The following OR4K1 variants were observed in gnomAD, a reference collection of about 807,000 sequenced individuals.
OR4K1 encodes olfactory receptor family 4 subfamily K member 1, also known as olfactory receptor 4K1.
Under a neutral mutation model 14.4 loss-of-function variants are expected in OR4K1, and 16 were observed. The ratio of observed to expected loss-of-function variants is 1.11; its 90% CI spans 0.75 to 1.68. The LOEUF (loss-of-function observed/expected upper bound fraction) is 1.68. Among genes scored for constraint, OR4K1 ranks in the 40% most tolerant of loss-of-function variants. OR4K1 has a pLI of 0.00. For synonymous variants in OR4K1, 181 were observed against 133.1 expected, an observed-to-expected ratio of 1.36 and a Z score of -2.48; for missense variants, 548 against 376.9, an observed-to-expected ratio of 1.45 and a Z score of -3.76.
chr14:19,921,031 C>G, the OR4K1 span: 1 of 1,614,180 alleles, frequency 6.2e-7, no homozygotes, highest in Non-Finnish European at 8.5e-7. Context: ...AGGACATGCA[C>G]TGTCTTGGTA....
At chr14:19,935,529 T>G (rs771033320) in intron 1 of OR4K1, 119 bp from the exon 2 acceptor site, 24 of 807,106 alleles carry the variant, frequency 3.0e-5, no homozygotes, top group Non-Finnish European at 4.5e-5. Flanking sequence ...CGTAAATATA[T>G]GTAACCTAAT....
At chr14:19,925,258 ATTATATTACTAT>A in the OR4K1 span, among the ~76,000 whole-genome samples, 4 of 152,206 alleles carry the variant, frequency 2.6e-5, no homozygotes, top group Admixed American at 2.6e-4. Flanking sequence ...TTGAACATTG[ATTATATTACTAT>A]TTTTGACATT....
At chr14:19,934,287 CA>C in intron 1 of OR4K1, among the ~76,000 whole-genome samples, 1 of 152,272 alleles carries the variant, frequency 6.6e-6, no homozygotes, top group Non-Finnish European at 1.5e-5. Flanking sequence ...AGCAAAATGT[CA>C]AAAAACATTT....
Position 19,936,269 on chromosome 14 carries a change from G to C in OR4K1, c.603G>C (p.Thr201=). 1 of 1,614,138 alleles carries C rather than the reference G, an allele frequency of 6.2e-7. No homozygotes were observed. Among genetic ancestry groups the C allele is most frequent in the East Asian group, 2.2e-5 (1 of 44,890 alleles). ...ATGAAATGGAAATTATGACCCTAAC[G>C]AACAGTGGCCTGATATCATTGAGCT... ...DTYEMEIMTL[T]NSGLISLSCF... Residue 201 remains threonine, a synonymous_variant, in exon 2 of 2, where the codon ACG becomes ACC. Coordinates refer to ENST00000641172, the MANE Select transcript of OR4K1 (RefSeq NM_001004063.3).
chr14:19,920,518 A>G, the OR4K1 span: 1 of 1,453,298 alleles, frequency 6.9e-7, no homozygotes, highest in Admixed American at 2.3e-5. Context: ...AGAATCCCTC[A>G]CCTTAAAAGT....
intron 1 of OR4K1, among the ~76,000 whole-genome samples, chr14:19,935,324 T>C (rs1882279737): frequency 6.6e-6 from 1 of 152,268 alleles, no homozygotes; most frequent in African/African-American, 2.4e-5. Flanking sequence ...ATAATCTCTT[T>C]AATCTTATTA....
At chr14:19,921,233 C>T in the OR4K1 span, 56 of 1,614,182 alleles carry the variant, frequency 3.5e-5, 1 homozygote, top group South Asian at 3.0e-4. Context: ...TTTCCCTAAG[C>T]ACTTTCTCTC....
chr14:19,931,645 G>C (rs1452173289), intron 1 of OR4K1, among the ~76,000 whole-genome samples: 1 of 152,216 alleles, frequency 6.6e-6, no homozygotes, highest in Non-Finnish European at 1.5e-5. Flanking sequence ...TATGATTTCA[G>C]AGTTCCATTG....
intron 1 of OR4K1, among the ~76,000 whole-genome samples, chr14:19,932,241 A>C (rs556092934): frequency 5.9e-5 from 9 of 152,340 alleles, no homozygotes; most frequent in Non-Finnish European, 1.2e-4. Flanking sequence ...TTTTTGAAAA[A>C]GGAATAATTC....
the OR4K1 span, chr14:19,920,777 C>G: frequency 6.2e-7 from 1 of 1,614,176 alleles, no homozygotes; most frequent in Non-Finnish European, 8.5e-7. Context: ...GCCTGCACTC[C>G]CCTATGTACT....
At position 19,936,372 on chromosome 14, in the gene OR4K1, G is replaced by C. The variant is rs771950286; in HGVS notation, c.706G>C (p.Ala236Pro). 1.2e-6 allele frequency: 2 copies of C among 1,614,070 alleles called. No homozygotes were observed. The highest frequency in any genetic ancestry group is 1.3e-5 in the African/African-American group (1 of 74,936). ...CAGGTCCTCCAGTGGGTCATCTAAGGCTCTTTCTACATTAACTGCCCACAT... is the reference window on the plus strand; with the variant it reads ...CAGGTCCTCCAGTGGGTCATCTAAGCCTCTTTCTACATTAACTGCCCACAT... ...RCRSSSGSSK[A>P]LSTLTAHITV... Residue 236 changes from alanine (A) to proline (P), a missense_variant, in exon 2 of 2, where the codon GCT becomes CCT. Coordinates refer to ENST00000641172, the MANE Select transcript of OR4K1 (RefSeq NM_001004063.3).
the OR4K1 span, among the ~76,000 whole-genome samples, chr14:19,924,187 G>A: frequency 6.6e-6 from 1 of 152,114 alleles, no homozygotes; most frequent in Non-Finnish European, 1.5e-5. Flanking sequence ...GATAACCTGA[G>A]GTCAGGAATT....
chr14:19,929,311 A>G (rs1315695435), upstream of OR4K1, among the ~76,000 whole-genome samples: 1 of 149,320 alleles, frequency 6.7e-6, no homozygotes, highest in Non-Finnish European at 1.5e-5. Context: ...ATATATAGAT[A>G]TATATAATTA....
rs1354488447 is a variant in OR4K1 at position 19,936,565 on chromosome 14, A to G, written c.899A>G (p.Lys300Arg). The part of the protein sequence containing the change: ...RNEDVKAAMW[K>R]LRNRHVNSWK... ...GAAGATGTTAAAGCAGCCATGTGGA[A>G]GCTGAGAAACCGTCATGTGAACTCC... Residue 300 changes from lysine to arginine, a missense_variant, in exon 2 of 2, where the codon AAG becomes AGG. By Grantham distance (26) the Lys-to-Arg change is conservative (BLOSUM62 2). Coordinates refer to ENST00000641172, the MANE Select transcript of OR4K1 (RefSeq NM_001004063.3). The G allele has an allele frequency of 6.2e-7, 1 of 1,608,648 alleles. No individual in the cohort carries two copies. The highest frequency in any genetic ancestry group is 8.5e-7 in the Non-Finnish European group (1 of 1,178,204).
At chr14:19,926,029 C>A (rs1882057925), upstream of OR4K1, among the ~76,000 whole-genome samples, 1 of 152,248 alleles carries the variant, frequency 6.6e-6, no homozygotes, top group Non-Finnish European at 1.5e-5. Flanking sequence ...GAGCCAAGAT[C>A]CAGTATTTCA....
At chr14:19,927,991 A>C (rs1260751975), upstream of OR4K1, among the ~76,000 whole-genome samples, 2 of 152,372 alleles carry the variant, frequency 1.3e-5, no homozygotes, top group African/African-American at 2.4e-5. Flanking sequence ...TTTTCTGGGA[A>C]GCTTCCAGCC....
upstream of OR4K1, among the ~76,000 whole-genome samples, chr14:19,929,359 CTGTGTGTGTGTGTGTGTG>C (rs59130422): frequency 1.7e-4 from 24 of 144,378 alleles, no homozygotes; most frequent in East Asian, 4.0e-4. Flanking sequence ...ATATCACACT[CTGTGTGTGTGTGTGTGTG>C]TGTGTGTGTG....
the OR4K1 span, among the ~76,000 whole-genome samples, chr14:19,925,469 C>A: frequency 6.6e-6 from 1 of 152,240 alleles, no homozygotes; most frequent in African/African-American, 2.4e-5. Context: ...CCTGGCTAAG[C>A]CAAACTCTAC....
At chr14:19,923,246 CTA>C in the OR4K1 span, among the ~76,000 whole-genome samples, 1 of 152,202 alleles carries the variant, frequency 6.6e-6, no homozygotes, top group Non-Finnish European at 1.5e-5. Flanking sequence ...TTACTAGACT[CTA>C]TTCTGTTTCG....
Sources: allele counts gnomAD v4.1 joint callset (sites outside exome capture counted in the v4.1 genomes callset), GRCh38; gene constraint gnomAD v4.1.1; transcripts MANE v1.5; gene names NCBI Gene and HGNC (gene_info 2026-07-23, HGNC 2026-07-21).